The following RALGAPA2 variants were observed in gnomAD, a reference collection of about 807,000 sequenced individuals.
RALGAPA2 encodes Ral GTPase activating protein catalytic subunit alpha 2.
In RALGAPA2, 139 loss-of-function variants were observed where a neutral mutation model predicts 230.4. The ratio of observed to expected loss-of-function variants is 0.60; its 90% CI spans 0.53 to 0.69. RALGAPA2 has a LOEUF of 0.69. Among genes scored for constraint, RALGAPA2 ranks in the 30% least tolerant of loss-of-function variants. The pLI is 0.00. For missense variants in RALGAPA2, 2,163 were observed against 2,276.0 expected, an observed-to-expected ratio of 0.95 and a Z score of 1.01; for synonymous variants, 847 against 837.8, an observed-to-expected ratio of 1.01 and a Z score of -0.19.
At chr20:20,431,031 C>G (rs914672470) in intron 37 of RALGAPA2, among the ~76,000 whole-genome samples, 2 of 152,094 alleles carry the variant, frequency 1.3e-5, no homozygotes, top group African/African-American at 2.4e-5. Flanking sequence ...TGCAAGGCAT[C>G]ATGAGAAGGA....
In RALGAPA2 at chr20:20,620,555, C is replaced by T; in HGVS notation, c.1309G>A (p.Asp437Asn). ...VQVYRKWILQ[D>N]KPVFMEEPDR... ...GGCTCCTCCATGAACACAGGTTTGTCCTGGAGAATCCACTTTCTGTACACT... is the reference window on the plus strand; with the variant it reads ...GGCTCCTCCATGAACACAGGTTTGTTCTGGAGAATCCACTTTCTGTACACT... The change falls in exon 11 of 40, where the codon GAC (aspartate) becomes AAC (asparagine). Residue 437 changes from aspartate to asparagine, a missense_variant. Transcript: ENST00000202677. 1 of 1,613,876 alleles carries T rather than the reference C, an allele frequency of 6.2e-7. No individual in the cohort carries two copies. Among genetic ancestry groups the T allele is most frequent in the South Asian group, 1.1e-5 (1 of 91,080 alleles).
At chr20:20,552,375 T>C (rs771084977) in intron 23 of RALGAPA2, among the ~76,000 whole-genome samples, 6 of 152,030 alleles carry the variant, frequency 3.9e-5, no homozygotes, top group African/African-American at 7.2e-5. Context: ...AATCTGCATA[T>C]GAAAAATCAC....
intron 32 of RALGAPA2, among the ~76,000 whole-genome samples, 163 bp from the exon 33 acceptor site, chr20:20,511,488 A>G (rs1194593964): frequency 1.3e-5 from 2 of 152,226 alleles, no homozygotes; most frequent in African/African-American, 4.8e-5. Flanking sequence ...CCTCCTTAAG[A>G]CATGCAAAGG....
chr20:20,399,008 C>A (rs2059775066), intron 38 of RALGAPA2, among the ~76,000 whole-genome samples: 1 of 152,102 alleles, frequency 6.6e-6, no homozygotes, highest in Admixed American at 6.6e-5. Context: ...AATTAGGAAA[C>A]CAAAATGTCT....
At chr20:20,584,516 T>C (rs1022083883) in intron 19 of RALGAPA2, among the ~76,000 whole-genome samples, 1 of 152,192 alleles carries the variant, frequency 6.6e-6, no homozygotes, top group Non-Finnish European at 1.5e-5. Flanking sequence ...TCTCTCAAAT[T>C]GATAAGCTAT....
chr20:20,505,580 A>G, intron 33 of RALGAPA2, 46 bp from the exon 34 acceptor site: 1 of 1,455,092 alleles, frequency 6.9e-7, no homozygotes, highest in Non-Finnish European at 9.2e-7. Context: ...TATATGTAAA[A>G]TTTTACTTCA....
chr20:20,537,057 T>A (rs1602695001), intron 24 of RALGAPA2, among the ~76,000 whole-genome samples: 1 of 152,230 alleles, frequency 6.6e-6, no homozygotes, highest in East Asian at 1.9e-4. Flanking sequence ...GACTCTGTCA[T>A]GACTGTTTAC....
chr20:20,523,556 G>T (rs551293708), intron 30 of RALGAPA2, among the ~76,000 whole-genome samples: 1 of 152,236 alleles, frequency 6.6e-6, no homozygotes, highest in African/African-American at 2.4e-5. Flanking sequence ...TTAATCAACT[G>T]TAGATTTCAA....
At chr20:20,569,303 G>A (rs1304768607) in intron 23 of RALGAPA2, among the ~76,000 whole-genome samples, 3 of 152,226 alleles carry the variant, frequency 2.0e-5, no homozygotes, top group East Asian at 3.9e-4. Flanking sequence ...GACAGTCAGC[G>A]CTTCTAAAAT....
chr20:20,624,564 C>T (rs1216620278), intron 10 of RALGAPA2, among the ~76,000 whole-genome samples: 1 of 151,988 alleles, frequency 6.6e-6, no homozygotes, highest in Non-Finnish European at 1.5e-5. Context: ...GCCAATGATG[C>T]TATATTTATA....
intron 20 of RALGAPA2, among the ~76,000 whole-genome samples, chr20:20,578,977 C>T (rs111711621): frequency 6.4e-4 from 98 of 152,184 alleles, no homozygotes; most frequent in Non-Finnish European, 1.3e-3. Flanking sequence ...TTCATGACTT[C>T]GAAACACATC....
At chr20:20,645,153 C>T (rs1467178251) in intron 4 of RALGAPA2, among the ~76,000 whole-genome samples, 29 of 113,942 alleles carry the variant, frequency 2.5e-4, no homozygotes, top group Admixed American at 5.5e-4. Context: ...CTTGCTCTGT[C>T]GCTCAGGCTG....
chr20:20,604,494 T>C (rs1480524226), intron 15 of RALGAPA2, among the ~76,000 whole-genome samples: 4 of 152,194 alleles, frequency 2.6e-5, no homozygotes, highest in African/African-American at 9.6e-5. Flanking sequence ...TAGTGTGACA[T>C]CTTGAGTTGT....
At chr20:20,641,738 A>G (rs1470766896) in intron 5 of RALGAPA2, among the ~76,000 whole-genome samples, 1 of 152,100 alleles carries the variant, frequency 6.6e-6, no homozygotes, top group African/African-American at 2.4e-5. Flanking sequence ...TCCAAATGCC[A>G]GCAACTGGAG....
At chr20:20,464,834 C>T (rs1419926467) in intron 37 of RALGAPA2, among the ~76,000 whole-genome samples, 14 of 151,984 alleles carry the variant, frequency 9.2e-5, no homozygotes, top group Admixed American at 2.0e-4. Flanking sequence ...ACCAATTTTT[C>T]GGTAAAAATT....
chr20:20,443,343 G>A (rs2060782806), intron 37 of RALGAPA2, among the ~76,000 whole-genome samples: 1 of 152,150 alleles, frequency 6.6e-6, no homozygotes, highest in South Asian at 2.1e-4. Context: ...GTGAATGAAT[G>A]GCTTCAAACT....
At chr20:20,570,255 T>C (rs1428946879) in intron 23 of RALGAPA2, among the ~76,000 whole-genome samples, 1 of 152,278 alleles carries the variant, frequency 6.6e-6, no homozygotes, top group Middle Eastern at 3.4e-3. Flanking sequence ...ATATAAGAGT[T>C]CAATGATTTT....
chr20:20,703,571 C>T (rs1009719139), intron 1 of RALGAPA2, among the ~76,000 whole-genome samples: 1 of 152,056 alleles, frequency 6.6e-6, no homozygotes, highest in Non-Finnish European at 1.5e-5. Context: ...TTAATATGAA[C>T]TGATTGCTTA....
intron 37 of RALGAPA2, among the ~76,000 whole-genome samples, chr20:20,435,028 A>G (rs1287269710): frequency 6.6e-6 from 1 of 152,264 alleles, no homozygotes; most frequent in East Asian, 1.9e-4. Context: ...CATGCCCAGA[A>G]GCTGACGGGA....
Sources: allele counts gnomAD v4.1 joint callset (sites outside exome capture counted in the v4.1 genomes callset), GRCh38; gene constraint gnomAD v4.1.1; transcripts MANE v1.5; gene names NCBI Gene and HGNC (gene_info 2026-07-23, HGNC 2026-07-21).